Variants in CDYL observed in about 807,000 individuals in gnomAD.
The protein encoded by CDYL is chromodomain Y-like protein.
CDYL carries 8 observed loss-of-function variants against 47.3 expected under a neutral mutation model. That is an observed-to-expected ratio of 0.17 (90% CI 0.10 to 0.31). The LOEUF is 0.31. CDYL is among the 10% of genes least tolerant of loss of function. The pLI is 1.00. For synonymous variants in CDYL, 266 were observed against 265.0 expected, an observed-to-expected ratio of 1.00 and a Z score of -0.04; for missense variants, 471 against 701.4, an observed-to-expected ratio of 0.67 and a Z score of 3.71.
At chr6:4,879,661 C>T (rs563723376) in intron 1 of CDYL, among the ~76,000 whole-genome samples, 7 of 147,936 alleles carry the variant, frequency 4.7e-5, no homozygotes, top group Non-Finnish European at 8.9e-5. Flanking sequence ...CGGGTTCAAG[C>T]AATTCCCCTG....
At chr6:4,798,338 A>G (rs1231649915) in intron 1 of CDYL, among the ~76,000 whole-genome samples, 1 of 152,188 alleles carries the variant, frequency 6.6e-6, no homozygotes, top group Non-Finnish European at 1.5e-5. Context: ...ATTTGTCTAA[A>G]GATAATTGCA....
intron 3 of CDYL, among the ~76,000 whole-genome samples, chr6:4,747,306 C>CAAA (rs11481080): frequency 6.8e-5 from 9 of 132,956 alleles, no homozygotes; most frequent in East Asian, 2.2e-4. Flanking sequence ...GACTTCATCT[C>CAAA]AAAAAAAAAA....
intron 3 of CDYL, among the ~76,000 whole-genome samples, chr6:4,753,499 G>T (rs1039450461): frequency 6.6e-6 from 1 of 152,156 alleles, no homozygotes; most frequent in Non-Finnish European, 1.5e-5. Context: ...TCGCCTGAAG[G>T]TTATGCAAAT....
chr6:4,718,171 G>C (rs560530523), intron 2 of CDYL, among the ~76,000 whole-genome samples: 2 of 152,040 alleles, frequency 1.3e-5, no homozygotes, highest in South Asian at 4.1e-4. Flanking sequence ...TAAGACATTT[G>C]CAATAACAGA....
At chr6:4,889,395 G>C (rs899162635) in intron 1 of CDYL, among the ~76,000 whole-genome samples, 3 of 151,716 alleles carry the variant, frequency 2.0e-5, no homozygotes, top group African/African-American at 7.3e-5. Context: ...AGCTAATTTT[G>C]TGTATTTTTA....
chr6:4,709,672 A>G (rs1444611811), intron 1 of CDYL, among the ~76,000 whole-genome samples: 4 of 152,084 alleles, frequency 2.6e-5, no homozygotes, highest in Admixed American at 1.3e-4. Context: ...TCTATTCTCT[A>G]TATCTTTACA....
rs769112408 is a variant in CDYL, at chr6:4,872,119, T to C, written c.25-19594T>C. The stretch of plus-strand genomic sequence containing the variant: ...GTGGAACAGCTTTGCTGCATTTCAC[T>C]CTGGAGTGGATTTTATTCCTCTGGT... On this transcript the variant is annotated intron_variant, in intron 1 of 6. Coordinates refer to ENST00000397588, the MANE Select transcript of CDYL (RefSeq NM_004824.4). Among the ~76,000 whole-genome samples, 29 of 152,216 alleles carry C rather than the reference T, an allele frequency of 1.9e-4. 1 individual carries two copies. The highest frequency in any genetic ancestry group is 5.2e-4 in the Admixed American group (8 of 15,292).
At chr6:4,765,138 T>C (rs1242578749) in intron 3 of CDYL, among the ~76,000 whole-genome samples, 3 of 152,076 alleles carry the variant, frequency 2.0e-5, no homozygotes, top group South Asian at 2.1e-4. Flanking sequence ...GCCTGGCCAA[T>C]GTGACGAAAC....
chr6:4,744,204 G>A (rs890977345), intron 3 of CDYL, among the ~76,000 whole-genome samples: 1 of 152,154 alleles, frequency 6.6e-6, no homozygotes, highest in African/African-American at 2.4e-5. Context: ...CTATAAAATT[G>A]CTAAATAGCT....
Position 4,754,648 on chromosome 6 carries a change from T to G in CDYL, c.186+19804T>G, listed in dbSNP as rs201386484. 1.7e-4 allele frequency among the ~76,000 whole-genome samples: 26 copies of G among 152,348 alleles called. 1 individual carries two copies. In the South Asian group the frequency reaches 2.7e-3, roughly 16 times the overall value. Reference sequence around the variant, plus strand: ...ACAGCTTTTATTCCTATTTGCATATTAAAATGCCATTAGATTATCTTTATA... The same window carrying G: ...ACAGCTTTTATTCCTATTTGCATATGAAAATGCCATTAGATTATCTTTATA... On this transcript the variant is annotated intron_variant, in intron 3 of 8. Coordinates refer to the CDYL transcript ENST00000328908.
rs1220969716 is a variant in CDYL at position 4,788,480 on chromosome 6, C to CAAAAAAAAAAAAAAAAAAAAA, written c.24+11675_24+11695dup. Among the ~76,000 whole-genome samples the CAAAAAAAAAAAAAAAAAAAAA allele has an allele frequency of 2.0e-4, 12 of 61,064 alleles. 1 individual carries two copies. Among genetic ancestry groups the CAAAAAAAAAAAAAAAAAAAAA allele is most frequent in the African/African-American group, 2.2e-4 (3 of 13,540 alleles). The allele number at this position is 61,064 out of a possible 152,430, so 40.1% of individuals were successfully genotyped here. A position where few individuals can be genotyped will look rare whatever the true frequency, so the allele number is the denominator to read the frequency against. On this transcript the variant is annotated intron_variant, in intron 1 of 6. Coordinates refer to ENST00000397588, the MANE Select transcript of CDYL (RefSeq NM_004824.4). ...CCTGGGTGACAGAGTGAGACTCTGT[C>CAAAAAAAAAAAAAAAAAAAAA]AAAAAAAAAAAAAAAAAAAAAAGGC...
intron 1 of CDYL, among the ~76,000 whole-genome samples, chr6:4,792,940 C>T (rs1484541882): frequency 6.6e-6 from 1 of 152,140 alleles, no homozygotes; most frequent in African/African-American, 2.4e-5. Flanking sequence ...GACCATCTCT[C>T]CCCATTATTT....
chr6:4,828,252 CTTT>C (rs11324291), intron 1 of CDYL, among the ~76,000 whole-genome samples: 822 of 79,130 alleles, frequency 0.01, 19 homozygotes, highest in African/African-American at 0.034. Flanking sequence ...TAACTTTCAG[CTTT>C]TTTTTTTTTT....
intron 2 of CDYL, among the ~76,000 whole-genome samples, chr6:4,912,929 G>T (rs1162063345): frequency 6.6e-6 from 1 of 152,152 alleles, no homozygotes; most frequent in Admixed American, 6.5e-5. Context: ...CTGCCACACT[G>T]GGGGTTACAT....
intron 1 of CDYL, among the ~76,000 whole-genome samples, chr6:4,880,659 G>A (rs1761739528): frequency 6.6e-6 from 1 of 152,214 alleles, no homozygotes; most frequent in Non-Finnish European, 1.5e-5. Flanking sequence ...CCAACAGGGA[G>A]TGGGCCTTTC....
chr6:4,865,142 G>A (rs1017134503), intron 1 of CDYL, among the ~76,000 whole-genome samples: 2 of 152,094 alleles, frequency 1.3e-5, no homozygotes, highest in African/African-American at 4.8e-5. Context: ...TGCATCTTGA[G>A]TCACCCCTGG....
chr6:4,846,532 A>G (rs1760663814), intron 1 of CDYL, among the ~76,000 whole-genome samples: 1 of 152,170 alleles, frequency 6.6e-6, no homozygotes, highest in Non-Finnish European at 1.5e-5. Flanking sequence ...TTCTTCCGTC[A>G]GAGTGCTGGA....
intron 2 of CDYL, among the ~76,000 whole-genome samples, chr6:4,925,592 A>G (rs1051343538): frequency 6.6e-6 from 1 of 151,270 alleles, no homozygotes; most frequent in Non-Finnish European, 1.5e-5. Flanking sequence ...ATTTTTTTGT[A>G]TTTTTAGTAG....
chr6:4,772,465 A>G (rs1358002814), upstream of CDYL, among the ~76,000 whole-genome samples: 1 of 152,230 alleles, frequency 6.6e-6, no homozygotes, highest in African/African-American at 2.4e-5. Context: ...TATCCACTCT[A>G]AGCTTTTAGG....
Sources: gnomAD v4.1 joint callset for allele counts (sites outside exome capture counted in the v4.1 genomes callset) on GRCh38, gnomAD v4.1.1 for gene constraint, MANE v1.5 for transcripts, NCBI Gene and HGNC (gene_info 2026-07-23, HGNC 2026-07-21) for gene names.